PAX5: variants seen among roughly 807,000 people sequenced by gnomAD.
The protein encoded by PAX5 is paired box 5, also known as paired box protein Pax-5.
In PAX5, 9 loss-of-function variants were observed where a neutral mutation model predicts 43.7. The observed-to-expected ratio is 0.21, with a 90% CI of 0.12 to 0.36. The LOEUF (loss-of-function observed/expected upper bound fraction) is 0.36, where lower values mean the gene tolerates loss of function less well. PAX5 is among the 10% of genes least tolerant of loss of function. The probability of loss-of-function intolerance (pLI) is 1.00; values close to 1 mark genes in which losing one functional copy is unlikely to be tolerated. For missense variants in PAX5, 383 were observed against 532.7 expected, an observed-to-expected ratio of 0.72 and a Z score of 2.77; for synonymous variants, 228 against 214.3, an observed-to-expected ratio of 1.06 and a Z score of -0.56.
chr9:36,880,181 G>A (rs1587851426), intron 8 of PAX5, among the ~76,000 whole-genome samples: 1 of 152,260 alleles, frequency 6.6e-6, no homozygotes, highest in African/African-American at 2.4e-5. Context: ...TGTGGCCATA[G>A]GGGAGCCAGC....
chr9:36,973,055 A>G (rs1458947506), intron 5 of PAX5, among the ~76,000 whole-genome samples: 3 of 127,660 alleles, frequency 2.3e-5, no homozygotes, highest in Non-Finnish European at 5.2e-5. Flanking sequence ...AGAAAGAAAG[A>G]AAAGGAAAGG....
intron 7 of PAX5, among the ~76,000 whole-genome samples, chr9:36,918,762 A>C (rs1402278437): frequency 6.6e-6 from 1 of 152,228 alleles, no homozygotes; most frequent in Non-Finnish European, 1.5e-5. Flanking sequence ...TAGGAAGGCT[A>C]AGAGAAGTAA....
At chr9:36,942,783 A>T (rs1832159682) in intron 6 of PAX5, among the ~76,000 whole-genome samples, 1 of 152,264 alleles carries the variant, frequency 6.6e-6, no homozygotes, top group Non-Finnish European at 1.5e-5. Context: ...TGTTGGAAGC[A>T]GAGCTTTTAG....
chr9:36,977,581 T>A (rs891722706), intron 5 of PAX5, among the ~76,000 whole-genome samples: 5 of 152,092 alleles, frequency 3.3e-5, no homozygotes, highest in South Asian at 2.1e-4. Flanking sequence ...CAGGCTGGGG[T>A]GTGCAATGGC....
intron 5 of PAX5, among the ~76,000 whole-genome samples, chr9:36,967,302 T>C (rs1328339792): frequency 6.6e-6 from 1 of 152,246 alleles, no homozygotes; most frequent in African/African-American, 2.4e-5. Context: ...TCGACAAATC[T>C]ATCAAAGCCA....
chr9:37,026,304 T>C (rs1840357464), intron 1 of PAX5, among the ~76,000 whole-genome samples: 1 of 152,244 alleles, frequency 6.6e-6, no homozygotes, highest in Non-Finnish European at 1.5e-5. Context: ...AGGCTGCAGC[T>C]CGCTGCCCAA....
intron 8 of PAX5, among the ~76,000 whole-genome samples, chr9:36,859,677 G>A (rs975413994): frequency 7.9e-5 from 12 of 152,214 alleles, no homozygotes; most frequent in South Asian, 2.1e-4. Context: ...CTGAGGGGAG[G>A]TGGAGGCGGG....
intron 3 of PAX5, chr9:37,007,745 GA>G (rs1262741361): frequency 1.3e-5 from 2 of 152,190 alleles, no homozygotes; most frequent in Admixed American, 1.3e-4. Flanking sequence ...GACAGTATGG[GA>G]AAGTATAAAG....
chr9:36,890,397 TG>T (rs1298634203), intron 7 of PAX5, among the ~76,000 whole-genome samples: 5 of 151,976 alleles, frequency 3.3e-5, no homozygotes, highest in Non-Finnish European at 7.4e-5. Flanking sequence ...TAAGGGAATA[TG>T]GGGGAACTGG....
chr9:37,013,065 C>T (rs1035847027), intron 3 of PAX5, among the ~76,000 whole-genome samples: 1 of 151,268 alleles, frequency 6.6e-6, no homozygotes, highest in East Asian at 1.9e-4. Context: ...GCCTGGGCAA[C>T]ATAGGGAGAC....
At chr9:36,967,239 G>A (rs1834523240) in intron 5 of PAX5, among the ~76,000 whole-genome samples, 1 of 152,186 alleles carries the variant, frequency 6.6e-6, no homozygotes, top group Admixed American at 6.5e-5. Flanking sequence ...GTAGGAAAAC[G>A]GGACTCTCAT....
In PAX5 at chr9:37,015,513, T is replaced by G. The variant is rs1839307587; in HGVS notation, c.213-319A>C. Among the ~76,000 whole-genome samples, 1 of 152,088 alleles carries G rather than the reference T, an allele frequency of 6.6e-6. No homozygotes were observed. The highest frequency in any genetic ancestry group is 2.4e-5 in the African/African-American group (1 of 41,412). ...AAATATATAATTAAAATATAGTACC[T>G]CTTTTTTTTAACTTTTCTTAATGTG... On this transcript the variant is annotated intron_variant, in intron 2 of 9. Transcript: ENST00000358127. The surrounding 1 kb of genome is among the most constrained non-coding windows in gnomAD (Gnocchi z 4.4).
At chr9:36,848,181 C>T (rs992031529) in intron 8 of PAX5, among the ~76,000 whole-genome samples, 2 of 152,226 alleles carry the variant, frequency 1.3e-5, no homozygotes, top group Admixed American at 1.3e-4. Flanking sequence ...CCAGCCAGAA[C>T]CCGGGACCAA....
In PAX5 at chr9:37,015,164, C is replaced by T. The variant is rs1437759380; in HGVS notation, c.243G>A (p.Gly81=). The change falls in exon 3 of 10, where the codon GGG becomes GGA. Residue 81 remains glycine (G), a synonymous_variant. Coordinates refer to ENST00000358127, the MANE Select transcript of PAX5 (RefSeq NM_016734.3). The surrounding 1 kb of genome is among the most constrained non-coding windows in gnomAD (Gnocchi z 4.4). ...RYYETGSIKP[G]VIGGSKPKVA... ...CCTTTGGTTTGGATCCTCCAATTAC[C>T]CCAGGCTTGATGCTTCCTGTCTCAT... 1 of 1,614,122 alleles carries T rather than the reference C, an allele frequency of 6.2e-7. No homozygotes were observed. The highest frequency in any genetic ancestry group is 8.5e-7 in the Non-Finnish European group (1 of 1,180,014).
intron 6 of PAX5, among the ~76,000 whole-genome samples, chr9:36,950,973 A>G (rs988736260): frequency 9.2e-5 from 14 of 151,784 alleles, no homozygotes; most frequent in African/African-American, 3.4e-4. Flanking sequence ...CAAACTCCTG[A>G]CCTCGTGATC....
At chr9:36,949,972 T>C (rs1476752629) in intron 6 of PAX5, among the ~76,000 whole-genome samples, 2 of 152,204 alleles carry the variant, frequency 1.3e-5, no homozygotes, top group African/African-American at 2.4e-5. Flanking sequence ...CCTCTTTGAC[T>C]CCACTGACCT....
chr9:36,938,762 C>T (rs1350554652), intron 6 of PAX5, among the ~76,000 whole-genome samples: 2 of 152,204 alleles, frequency 1.3e-5, no homozygotes, highest in Non-Finnish European at 2.9e-5. Flanking sequence ...AGAGAAAAAT[C>T]GTACCATCCG....
chr9:36,923,315 TCTCTCC>T lies in PAX5; in HGVS notation c.910+34_910+39del, dbSNP rs1246309246. The T allele has an allele frequency of 3.1e-6, 5 of 1,590,262 alleles. No individual in the cohort carries two copies. In the Admixed American group the frequency reaches 8.5e-5, roughly 27 times the overall value. On this transcript the variant is annotated intron_variant, in intron 7 of 9. Coordinates refer to ENST00000358127, the MANE Select transcript of PAX5 (RefSeq NM_016734.3). ...CCCACCACACACTCCTATCTCTCTCTCTCTCCCTCACTCATCCCCCATGCCCCAGGT... is the reference window on the plus strand; with the variant it reads ...CCCACCACACACTCCTATCTCTCTCTCTCACTCATCCCCCATGCCCCAGGT...
rs558508805 is a variant in PAX5 at position 36,834,564 on chromosome 9, C to A, written c.*5996G>T. 3.9e-5 allele frequency: 9 copies of A among 233,030 alleles called. No individual in the cohort carries two copies. Among genetic ancestry groups the A allele is most frequent in the Middle Eastern group, 1.3e-3 (1 of 786 alleles). 14.4% of individuals were successfully genotyped at this position (233,030 alleles called of 1,614,324 possible). A position where few individuals can be genotyped will look rare whatever the true frequency, so the allele number is the denominator to read the frequency against. On this transcript the variant is annotated 3_prime_UTR_variant, in exon 10 of 10. Transcript: ENST00000358127. ...ATTTATTTTCTTTTTAGCTTTATAG[C>A]AATTAATTGGCTATTGATTGGTTGG...
Sources: allele counts gnomAD v4.1 joint callset (sites outside exome capture counted in the v4.1 genomes callset), GRCh38; gene constraint gnomAD v4.1.1; non-coding constraint Gnocchi (gnomAD v3.1); transcripts MANE v1.5; gene names NCBI Gene and HGNC (gene_info 2026-07-23, HGNC 2026-07-21).